The following SMIM10L3 variants were observed in gnomAD, a reference collection of about 807,000 sequenced individuals.
SMIM10L3 encodes salivary gland specific protein SAGSIN1.
the SMIM10L3 span, among the ~76,000 whole-genome samples, chr7:6,332,111 C>T: frequency 1.7e-3 from 179 of 104,810 alleles, 1 homozygote; most frequent in Non-Finnish European, 2.2e-3. Flanking sequence ...CTCCATCTCA[C>T]GGAAAAAAAA....
the SMIM10L3 span, among the ~76,000 whole-genome samples, chr7:6,342,375 ACT>A: frequency 6.6e-6 from 1 of 150,896 alleles, no homozygotes; most frequent in Admixed American, 6.6e-5. Flanking sequence ...CAAAACCCCG[ACT>A]CTACTAAAAA....
At chr7:6,348,870 CGGCG>C in the SMIM10L3 span, 3 of 387,846 alleles carry the variant, frequency 7.7e-6, no homozygotes, top group East Asian at 3.7e-5. Context: ...GCGGCTAGAC[CGGCG>C]GGCGGGCGGG....
the SMIM10L3 span, chr7:6,330,130 T>C: frequency 0.025 from 12,884 of 513,622 alleles, 237 homozygotes; most frequent in Middle Eastern, 0.057. Flanking sequence ...CAGGCTATGA[T>C]CGTCTCCTGA....
At chr7:6,346,558 T>C in the SMIM10L3 span, among the ~76,000 whole-genome samples, 2 of 152,030 alleles carry the variant, frequency 1.3e-5, no homozygotes, top group Non-Finnish European at 2.9e-5. Context: ...TTTTTTGTAT[T>C]TTAGTAGAGA....
At chr7:6,331,247 A>G in the SMIM10L3 span, 1 of 1,295,030 alleles carries the variant, frequency 7.7e-7, no homozygotes, top group Non-Finnish European at 1.1e-6. Context: ...TAGGAAAGGG[A>G]ATCAAATTAA....
chr7:6,334,097 T>C, the SMIM10L3 span, among the ~76,000 whole-genome samples: 110 of 151,374 alleles, frequency 7.3e-4, 1 homozygote, highest in South Asian at 0.013. Context: ...CCGCCCACCT[T>C]GGCCTCCCAA....
At chr7:6,331,140 T>A in the SMIM10L3 span, 1 of 1,612,326 alleles carries the variant, frequency 6.2e-7, no homozygotes, top group Non-Finnish European at 8.5e-7. Context: ...CGAGGGGCCC[T>A]CTTCTGTCCC....
the SMIM10L3 span, among the ~76,000 whole-genome samples, chr7:6,345,977 C>G: frequency 1.3e-5 from 2 of 152,046 alleles, no homozygotes; most frequent in East Asian, 3.9e-4. Flanking sequence ...CCATATTGTC[C>G]AGGCTGGTCT....
At chr7:6,333,469 A>AT in the SMIM10L3 span, among the ~76,000 whole-genome samples, 1 of 152,180 alleles carries the variant, frequency 6.6e-6, no homozygotes, top group Non-Finnish European at 1.5e-5. Context: ...GGCTGTGATC[A>AT]TAAGGAGGGA....
At chr7:6,340,045 C>A in the SMIM10L3 span, among the ~76,000 whole-genome samples, 1 of 152,084 alleles carries the variant, frequency 6.6e-6, no homozygotes, top group African/African-American at 2.4e-5. Flanking sequence ...CCACCACACC[C>A]AGCTAATTTT....
the SMIM10L3 span, among the ~76,000 whole-genome samples, chr7:6,347,517 G>GA: frequency 4.2e-3 from 610 of 145,594 alleles, 5 homozygotes; most frequent in South Asian, 7.8e-3. Flanking sequence ...CTGTCTCAGG[G>GA]AAAAAAAAAA....
the SMIM10L3 span, among the ~76,000 whole-genome samples, chr7:6,340,965 TAAAA>T: frequency 1.1e-5 from 1 of 87,438 alleles, no homozygotes. Flanking sequence ...CTGTCTCTAC[TAAAA>T]AAAAAAAAAA....
chr7:6,338,685 GACA>G, the SMIM10L3 span: 10 of 152,328 alleles, frequency 6.6e-5, no homozygotes, highest in African/African-American at 2.2e-4. Context: ...TGACCTGCCG[GACA>G]ACAATGGCCT....
chr7:6,348,899 A>T, the SMIM10L3 span: 1 of 385,932 alleles, frequency 2.6e-6, no homozygotes, highest in Non-Finnish European at 4.6e-6. Context: ...AGTGGAGCGG[A>T]GTCCGCACGT....
At chr7:6,344,803 C>T in the SMIM10L3 span, among the ~76,000 whole-genome samples, 3 of 148,882 alleles carry the variant, frequency 2.0e-5, no homozygotes, top group Non-Finnish European at 3.0e-5. Flanking sequence ...TGCAATGGCA[C>T]GAACTTGGCT....
chr7:6,342,321 G>A, the SMIM10L3 span, among the ~76,000 whole-genome samples: 9 of 151,978 alleles, frequency 5.9e-5, no homozygotes, highest in Non-Finnish European at 1.2e-4. Flanking sequence ...GAGGCAGGTG[G>A]ATCTCTTGAG....
the SMIM10L3 span, among the ~76,000 whole-genome samples, chr7:6,344,894 G>A: frequency 1.2e-4 from 18 of 151,058 alleles, no homozygotes; most frequent in African/African-American, 4.4e-4. Flanking sequence ...GGCGCATGCC[G>A]CCATGCCCGG....
chr7:6,338,051 G>A, the SMIM10L3 span, among the ~76,000 whole-genome samples: 2 of 152,014 alleles, frequency 1.3e-5, no homozygotes, highest in African/African-American at 4.8e-5. Context: ...TGATCCACCT[G>A]CCTCAGCCTC....
At chr7:6,342,489 A>G in the SMIM10L3 span, among the ~76,000 whole-genome samples, 1 of 151,766 alleles carries the variant, frequency 6.6e-6, no homozygotes, top group South Asian at 2.1e-4. Context: ...CAGTGAGCCA[A>G]GATCACACCA....
Sources: allele counts gnomAD v4.1 joint callset (sites outside exome capture counted in the v4.1 genomes callset), GRCh38; gene constraint gnomAD v4.1.1; transcripts MANE v1.5; gene names NCBI Gene and HGNC (gene_info 2026-07-23, HGNC 2026-07-21).